Variants in TTC21A observed in about 807,000 individuals in gnomAD.
The protein encoded by TTC21A is tetratricopeptide repeat protein 21A.
A neutral mutation model predicts 156.4 loss-of-function variants in TTC21A; 128 were observed. The observed-to-expected ratio is 0.82, with a 90% CI of 0.71 to 0.95. The LOEUF (loss-of-function observed/expected upper bound fraction) is 0.95, where lower values mean the gene tolerates loss of function less well. Among genes scored for constraint, TTC21A ranks in the 40% least tolerant of loss-of-function variants. The pLI, the probability that TTC21A is intolerant of heterozygous loss-of-function variation, is 0.00. For missense variants in TTC21A, 1,435 were observed against 1,602.3 expected (o/e 0.90, Z 1.78); for synonymous variants, 587 against 617.1 (o/e 0.95, Z 0.72).
At position 39,138,873 on chromosome 3, in the gene TTC21A, G is replaced by C. The variant is rs2039339074; in HGVS notation, c.*85G>C. The C allele has an allele frequency of 8.8e-7, 1 of 1,133,602 alleles. No homozygotes were observed. Among genetic ancestry groups the C allele is most frequent in the Admixed American group, 2.2e-5 (1 of 44,520 alleles). The allele number at this position is 1,133,602 out of a possible 1,614,324, so 70.2% of individuals were successfully genotyped here. A position where few individuals can be genotyped will look rare whatever the true frequency, so the allele number is the denominator to read the frequency against. Reference sequence around the variant, plus strand: ...ATGGAAAGTGGGTCAGTGGAGAAGGGATTCAGAAAATGACACATTCTTCCC... The same window carrying C: ...ATGGAAAGTGGGTCAGTGGAGAAGGCATTCAGAAAATGACACATTCTTCCC... On this transcript the variant is annotated 3_prime_UTR_variant, in exon 29 of 29. Coordinates refer to ENST00000683103, the MANE Select transcript of TTC21A (RefSeq NM_001366900.1).
chr3:39,116,740 A>G (rs2037321874), intron 6 of TTC21A, among the ~76,000 whole-genome samples: 1 of 152,152 alleles, frequency 6.6e-6, no homozygotes, highest in African/African-American at 2.4e-5. Context: ...AAAGTGCTGG[A>G]GTTATGGGTA....
chr3:39,112,768 T>G, intron 5 of TTC21A, 188 bp downstream of exon 5: 1 of 360,072 alleles, frequency 2.8e-6, no homozygotes. Flanking sequence ...CCACTCTACT[T>G]CTCAGATTTC....
Position 39,107,747 on chromosome 3 carries a change from C to T in TTC21A, c.-91C>T. The T allele has an allele frequency of 1.3e-6, 2 of 1,578,850 alleles. No individual in the cohort carries two copies. The highest frequency in any genetic ancestry group is 1.7e-6 in the Non-Finnish European group (2 of 1,154,654). ...CAAGGACTGTAACGCCTTCAACCGC[C>T]CGCCGCGATAGAGTGCCCACGACCC... On this transcript the variant is annotated 5_prime_UTR_variant, in exon 1 of 29. Coordinates refer to ENST00000683103, the MANE Select transcript of TTC21A (RefSeq NM_001366900.1).
chr3:39,125,011 G>A (rs779531436), intron 9 of TTC21A, 52 bp from the exon 10 acceptor site: 4 of 1,185,352 alleles, frequency 3.4e-6, no homozygotes, highest in Admixed American at 1.7e-5. Flanking sequence ...CTGATGGGCT[G>A]CTGGCTATGC....
intron 9 of TTC21A, 54 bp from the exon 10 acceptor site, chr3:39,125,009 C>CT: frequency 8.6e-7 from 1 of 1,157,608 alleles, no homozygotes; most frequent in South Asian, 1.2e-5. Context: ...ACCTGATGGG[C>CT]TGCTGGCTAT....
Position 39,138,553 on chromosome 3 carries a change from T to A in TTC21A, c.3797-3T>A, listed in dbSNP as rs767465686. The A allele has an allele frequency of 6.2e-7, 1 of 1,614,092 alleles. No individual in the cohort carries two copies. The highest frequency in any genetic ancestry group is 1.3e-5 in the African/African-American group (1 of 74,928). The stretch of plus-strand genomic sequence containing the variant: ...CCATCTTTGCTCTCCATGTCCCCGG[T>A]AGGCTTCAAACTTGCTTTCAACTAC... On this transcript the variant is annotated splice_region_variant and splice_polypyrimidine_tract_variant and intron_variant, in intron 27 of 28. Transcript: ENST00000683103.
rs1203707329 is a variant in TTC21A, at chr3:39,125,429, C to G, written c.1289C>G (p.Ser430Cys). 1 of 1,614,056 alleles carries G rather than the reference C, an allele frequency of 6.2e-7. No homozygotes were observed. Among genetic ancestry groups the G allele is most frequent in the East Asian group, 2.2e-5 (1 of 44,888 alleles). Residue 430 changes from serine (S) to cysteine (C), a missense_variant, in exon 11 of 29, where the codon TCC becomes TGC. Coordinates refer to ENST00000683103, the MANE Select transcript of TTC21A (RefSeq NM_001366900.1). ...AAGGAGGCAGTGGAGCTTCACTTCT[C>G]CAGCATGCAAGGCATCCCTCTTGGC... The part of the protein sequence containing the change: ...LLKEAVELHF[S>C]SMQGIPLGSE...
At position 39,114,760 on chromosome 3, in the gene TTC21A, T is replaced by C. The variant is rs1408182806; in HGVS notation, c.716+18T>C. ...GGACACAGGTGAGCTACTGCACAAA[T>C]GGGCAGCCAAGGGTGGTAACAGGTA... On this transcript the variant is annotated intron_variant, in intron 6 of 28. Coordinates refer to ENST00000683103, the MANE Select transcript of TTC21A (RefSeq NM_001366900.1). 2.5e-6 allele frequency: 4 copies of C among 1,613,984 alleles called. No individual in the cohort carries two copies. Among genetic ancestry groups the C allele is most frequent in the East Asian group, 2.2e-5 (1 of 44,868 alleles).
intron 1 of TTC21A, 26 bp downstream of exon 1, chr3:39,107,890 G>A (rs760318517): frequency 1.2e-6 from 2 of 1,611,232 alleles, no homozygotes; most frequent in Non-Finnish European, 8.5e-7. Flanking sequence ...GCTGTCCGAG[G>A]GCTCCCTCGT....
chr3:39,130,148 G>C lies in TTC21A; in HGVS notation c.2205G>C (p.Leu735=). ...LLLGDALMSI[L]EPEKALEVYD... is the part of the protein sequence containing the mutation. ...TGGGCGATGCCTTAATGAGCATTCT[G>C]GAGGTAAGTGAGAGGCCTCACAGCC... Residue 735 remains leucine (L), a synonymous_variant, in exon 16 of 29, where the codon CTG becomes CTC. Transcript: ENST00000683103. The surrounding 1 kb of genome is among the most constrained non-coding windows in gnomAD (Gnocchi z 4.5). 6.2e-7 allele frequency: 1 copy of C among 1,613,922 alleles called. No homozygotes were observed. The highest frequency in any genetic ancestry group is 1.1e-5 in the South Asian group (1 of 90,980).
chr3:39,128,654 G>A, intron 13 of TTC21A, 63 bp from the exon 14 acceptor site: 4 of 1,584,632 alleles, frequency 2.5e-6, no homozygotes, highest in Non-Finnish European at 3.5e-6. Flanking sequence ...TGACCTGGCT[G>A]CTGTGAGCAG....
intron 15 of TTC21A, among the ~76,000 whole-genome samples, chr3:39,129,861 T>C (rs2038589435): frequency 6.6e-6 from 1 of 152,034 alleles, no homozygotes; most frequent in Non-Finnish European, 1.5e-5. Flanking sequence ...GAGGAACAGG[T>C]AGAGGGCCTG....
chr3:39,111,604 C>A (rs1260460405), intron 4 of TTC21A, among the ~76,000 whole-genome samples: 2 of 152,084 alleles, frequency 1.3e-5, no homozygotes, highest in Non-Finnish European at 2.9e-5. Context: ...CTCAGCAGGG[C>A]TGATACCAAT....
intron 1 of TTC21A, 144 bp from the exon 2 acceptor site, chr3:39,108,938 TGAG>T: frequency 1.2e-6 from 1 of 850,524 alleles, no homozygotes; most frequent in Non-Finnish European, 1.8e-6. Flanking sequence ...GAGGACAGGA[TGAG>T]GCCTGAATGT....
intron 22 of TTC21A, 144 bp downstream of exon 22, chr3:39,135,318 G>A: frequency 5.4e-6 from 4 of 743,172 alleles, no homozygotes; most frequent in Non-Finnish European, 9.1e-6. Flanking sequence ...GCAGGAAACT[G>A]ATAAAGACCC....
intron 13 of TTC21A, 38 bp from the exon 14 acceptor site, chr3:39,128,679 G>A (rs1203481439): frequency 1.2e-6 from 2 of 1,603,368 alleles, no homozygotes; most frequent in Non-Finnish European, 1.7e-6. Context: ...AGTAGCAGCA[G>A]TGAACTGGAG....
intron 1 of TTC21A, chr3:39,108,214 C>T: frequency 2.0e-6 from 1 of 492,314 alleles, no homozygotes; most frequent in Non-Finnish European, 3.6e-6. Flanking sequence ...TTAACTCATA[C>T]CTCTTCCCTA....
Position 39,138,266 on chromosome 3 carries a change from G to C in TTC21A, c.3676-1G>C. On this transcript the variant is annotated splice_acceptor_variant, in intron 26 of 28. Transcript: ENST00000683103. LOFTEE classifies it high-confidence loss of function. ...GAGGCTCTAACTGGCTTTCCCTGCA[G>C]TCCTGCTACAAGGCCTATGAGTACA... 6.2e-7 allele frequency: 1 copy of C among 1,614,062 alleles called. No individual in the cohort carries two copies.
Position 39,130,093 on chromosome 3 carries a change from A to C in TTC21A, c.2150A>C (p.His717Pro), listed in dbSNP as rs751580143. 3 of 1,614,188 alleles carry C rather than the reference A, an allele frequency of 1.9e-6. No homozygotes were observed. The South Asian group carries it at 3.3e-5, about 18-fold the overall frequency. The change falls in exon 16 of 29, where the codon CAT (histidine) becomes CCT (proline). Residue 717 changes from histidine (H) to proline (P), a missense_variant. Physicochemically the swap from His to Pro is moderately conservative, Grantham distance 77. Transcript: ENST00000683103. This position sits in a 1 kb window ranked among gnomAD's most constrained non-coding sequence, Gnocchi z 4.5. ...YIRCYRELCE[H>P]LPGPHTSLLL... is the part of the protein sequence containing the mutation. The stretch of plus-strand genomic sequence containing the variant: ...CTTGCTTGCAGTGAGCTCTGTGAAC[A>C]TCTGCCTGGCCCCCACACCAGCCTG...
Sources: gnomAD v4.1 joint callset for allele counts (sites outside exome capture counted in the v4.1 genomes callset) on GRCh38, gnomAD v4.1.1 for gene constraint, Gnocchi (gnomAD v3.1) non-coding constraint, MANE v1.5 for transcripts, NCBI Gene and HGNC (gene_info 2026-07-23, HGNC 2026-07-21) for gene names.